The following SUPT3H variants were observed in gnomAD, a reference collection of about 807,000 sequenced individuals.
The protein encoded by SUPT3H is transcription initiation protein SPT3 homolog.
Under a neutral mutation model 44.3 loss-of-function variants are expected in SUPT3H, and 44 were observed. The observed-to-expected ratio is 0.99, with a 90% CI of 0.78 to 1.28. The LOEUF is 1.28. Among genes scored for constraint, SUPT3H ranks in the 50% most tolerant of loss-of-function variants. The pLI, the probability that SUPT3H is intolerant of heterozygous loss-of-function variation, is 0.00. For missense variants in SUPT3H, 380 were observed against 387.1 expected (o/e 0.98, Z 0.15); for synonymous variants, 124 against 125.6 (o/e 0.99, Z 0.09).
chr6:45,328,839 G>T, intron 2 of SUPT3H: 2 of 1,557,448 alleles, frequency 1.3e-6, no homozygotes, highest in Non-Finnish European at 1.8e-6. Flanking sequence ...AAACATAAAG[G>T]TATGATTCTT....
At chr6:45,226,286 T>C (rs1766920699) in intron 2 of SUPT3H, among the ~76,000 whole-genome samples, 1 of 152,052 alleles carries the variant, frequency 6.6e-6, no homozygotes, top group South Asian at 2.1e-4. Context: ...GGATGTACAC[T>C]ATACAATATG....
At chr6:45,258,421 AG>A (rs1773767302) in intron 2 of SUPT3H, among the ~76,000 whole-genome samples, 1 of 152,244 alleles carries the variant, frequency 6.6e-6, no homozygotes, top group Non-Finnish European at 1.5e-5. Context: ...AAGCAAAATC[AG>A]GGCTCTTCGA....
chr6:44,828,543 A>G lies in SUPT3H; in HGVS notation c.*1273T>C, dbSNP rs936969228. ...GTGTTTTTGAATCGCAACTATTACA[A>G]TATAAGAAGGCAGGAAAGCTAATGA... On this transcript the variant is annotated 3_prime_UTR_variant, in exon 11 of 11. Coordinates refer to ENST00000371459, the MANE Select transcript of SUPT3H (RefSeq NM_003599.4). 6.6e-6 allele frequency among the ~76,000 whole-genome samples: 1 copy of G among 152,174 alleles called. No homozygotes were observed. Among genetic ancestry groups the G allele is most frequent in the Admixed American group, 6.5e-5 (1 of 15,274 alleles).
chr6:45,351,674 T>G (rs2037145719), intron 2 of SUPT3H, among the ~76,000 whole-genome samples: 1 of 152,106 alleles, frequency 6.6e-6, no homozygotes, highest in South Asian at 2.1e-4. Flanking sequence ...CCCTCCCCAT[T>G]TTTCTCCAAA....
intron 10 of SUPT3H, among the ~76,000 whole-genome samples, chr6:44,872,404 C>A (rs1363746849): frequency 2.5e-5 from 3 of 120,026 alleles, no homozygotes; most frequent in African/African-American, 6.2e-5. Flanking sequence ...AACTAAACTT[C>A]ATAAGTGAAG....
At chr6:44,880,862 A>G (rs930685836) in intron 10 of SUPT3H, among the ~76,000 whole-genome samples, 4 of 152,238 alleles carry the variant, frequency 2.6e-5, no homozygotes, top group African/African-American at 9.6e-5. Flanking sequence ...AAAATCCTTT[A>G]CGGACAATCA....
intron 10 of SUPT3H, among the ~76,000 whole-genome samples, chr6:44,874,990 G>C (rs1365369720): frequency 1.4e-5 from 1 of 69,306 alleles, no homozygotes; most frequent in African/African-American, 6.2e-5. Flanking sequence ...CACTGCTCAA[G>C]GAAATAAAAG....
At chr6:45,350,914 G>A (rs540001110) in intron 2 of SUPT3H, among the ~76,000 whole-genome samples, 7 of 152,220 alleles carry the variant, frequency 4.6e-5, no homozygotes, top group Middle Eastern at 3.4e-3. Context: ...CAGCAAGAGC[G>A]AACACTACCA....
At chr6:45,349,561 G>A (rs1791602067) in intron 2 of SUPT3H, among the ~76,000 whole-genome samples, 1 of 152,184 alleles carries the variant, frequency 6.6e-6, no homozygotes, top group Non-Finnish European at 1.5e-5. Flanking sequence ...AGACCCAGCA[G>A]TTTAATGGTT....
intron 2 of SUPT3H, among the ~76,000 whole-genome samples, chr6:45,255,492 G>A (rs1373846991): frequency 1.4e-5 from 2 of 140,214 alleles, no homozygotes; most frequent in Non-Finnish European, 3.0e-5. Context: ...CAAAATCATA[G>A]CTCAATGAAG....
intron 3 of SUPT3H, among the ~76,000 whole-genome samples, chr6:45,083,294 C>A (rs925759588): frequency 6.6e-6 from 1 of 151,776 alleles, no homozygotes; most frequent in Non-Finnish European, 1.5e-5. Context: ...CAGGTTCAAG[C>A]GATTCTCTTA....
At chr6:44,935,129 T>G (rs570174961) in intron 9 of SUPT3H, among the ~76,000 whole-genome samples, 3 of 152,258 alleles carry the variant, frequency 2.0e-5, no homozygotes, top group African/African-American at 4.8e-5. Flanking sequence ...GCTCATTGAG[T>G]TCTCCGGAAG....
intron 2 of SUPT3H, among the ~76,000 whole-genome samples, chr6:45,263,525 T>C (rs1774741742): frequency 6.6e-6 from 1 of 152,038 alleles, no homozygotes; most frequent in South Asian, 2.1e-4. Flanking sequence ...AACTACATAT[T>C]GAGTACTACG....
chr6:45,000,067 C>T (rs1781811517), intron 6 of SUPT3H, among the ~76,000 whole-genome samples: 1 of 151,648 alleles, frequency 6.6e-6, no homozygotes, highest in African/African-American at 2.4e-5. Context: ...AATGTATATA[C>T]ACATATAAAT....
At chr6:45,288,547 GTATATATATA>G (rs58524677) in intron 2 of SUPT3H, among the ~76,000 whole-genome samples, 3,337 of 126,030 alleles carry the variant, frequency 0.026, 200 homozygotes, top group East Asian at 0.081. Flanking sequence ...GTGTGTGTGT[GTATATATATA>G]TATATATGTA....
intron 2 of SUPT3H, among the ~76,000 whole-genome samples, chr6:45,314,371 TATG>T (rs1289161058): frequency 6.6e-6 from 1 of 152,084 alleles, no homozygotes; most frequent in Non-Finnish European, 1.5e-5. Context: ...TTGCTGACAA[TATG>T]ATTGTTTACC....
At position 44,987,755 on chromosome 6, in the gene SUPT3H, A is replaced by G. The variant is rs189852225; in HGVS notation, c.504+15898T>C. On this transcript the variant is annotated intron_variant, in intron 6 of 10. Coordinates refer to ENST00000371459, the MANE Select transcript of SUPT3H (RefSeq NM_003599.4). ...GCTGATAAAAATTAACCAATAATGTATGTCGGTGCTCTGGTAGCGTGTGAA... is the reference window on the plus strand; with the variant it reads ...GCTGATAAAAATTAACCAATAATGTGTGTCGGTGCTCTGGTAGCGTGTGAA... Among the ~76,000 whole-genome samples the G allele has an allele frequency of 2.6e-5, 4 of 152,274 alleles. No individual in the cohort carries two copies. The East Asian group carries it at 7.7e-4, about 29-fold the overall frequency.
intron 2 of SUPT3H, among the ~76,000 whole-genome samples, chr6:45,287,429 A>G (rs1467956629): frequency 6.6e-6 from 1 of 152,174 alleles, no homozygotes; most frequent in Non-Finnish European, 1.5e-5. Flanking sequence ...AGCCTTAAAA[A>G]GAAAGGAAAT....
intron 2 of SUPT3H, among the ~76,000 whole-genome samples, chr6:45,343,878 A>C (rs1220395557): frequency 1.3e-5 from 2 of 152,172 alleles, no homozygotes; most frequent in Non-Finnish European, 2.9e-5. Flanking sequence ...AACCCATATT[A>C]GAATCTTAGC....
Sources: allele counts gnomAD v4.1 joint callset (sites outside exome capture counted in the v4.1 genomes callset), GRCh38; gene constraint gnomAD v4.1.1; transcripts MANE v1.5; gene names NCBI Gene and HGNC (gene_info 2026-07-23, HGNC 2026-07-21).